LMAN2: variants seen among roughly 807,000 people sequenced by gnomAD.
LMAN2 encodes vesicular integral-membrane protein VIP36.
LMAN2 carries 22 observed loss-of-function variants against 39.3 expected under a neutral mutation model. The observed-to-expected ratio is 0.56, with a 90% CI of 0.40 to 0.80. The LOEUF (loss-of-function observed/expected upper bound fraction) is 0.80, where lower values mean the gene tolerates loss of function less well. Among genes scored for constraint, LMAN2 ranks in the 30% least tolerant of loss-of-function variants. The pLI is 0.00. For synonymous variants in LMAN2, 207 were observed against 207.8 expected, an observed-to-expected ratio of 1.00 and a Z score of 0.03; for missense variants, 494 against 505.4, an observed-to-expected ratio of 0.98 and a Z score of 0.22.
Position 177,338,514 on chromosome 5 carries a change from C to T in LMAN2, c.407G>A (p.Trp136Ter), listed in dbSNP as rs1221952642. ...TGGCACGAGGCGGTCCCGGGTGTAC[C>T]ACAAGGCGATGCCGTCTCCATGGAG... The part of the protein sequence containing the change: ...KNLHGDGIAL[W>*]YTRDRLVPGP... Residue 136 changes from tryptophan (W) to a stop codon, truncating the protein, a stop_gained, in exon 3 of 8, where the codon TGG (tryptophan) becomes TAG (stop). Coordinates refer to ENST00000303127, the MANE Select transcript of LMAN2 (RefSeq NM_006816.3). LOFTEE classifies it high-confidence loss of function. 1.2e-6 allele frequency: 2 copies of T among 1,614,202 alleles called. No homozygotes were observed. Among genetic ancestry groups the T allele is most frequent in the Admixed American group, 3.3e-5 (2 of 60,028 alleles).
chr5:177,337,308 C>T lies in LMAN2; in HGVS notation c.675+55G>A. On this transcript the variant is annotated intron_variant, in intron 5 of 7. Transcript: ENST00000303127. This position sits in a 1 kb window ranked among gnomAD's most constrained non-coding sequence, Gnocchi z 8.2. The stretch of plus-strand genomic sequence containing the variant: ...GACAGCAGCCTGCCCTCCTGAGCCT[C>T]TGTGGGACCAGCACAGGGCCACCAG... 1 of 1,611,806 alleles carries T rather than the reference C, an allele frequency of 6.2e-7. No individual in the cohort carries two copies. The highest frequency in any genetic ancestry group is 8.5e-7 in the Non-Finnish European group (1 of 1,179,732).
At position 177,334,337 on chromosome 5, in the gene LMAN2, C is replaced by A. The variant is rs894196811; in HGVS notation, c.857G>T (p.Ser286Ile). ...GGGCTCGATCTTGGTCCAGTCGATG[C>A]TCTCCTCGTCGGGCGTGTGCTCCAC... ...LMVEHTPDEE[S>I]IDWTKIEPSV... Residue 286 changes from serine to isoleucine, a missense_variant, in exon 7 of 8, where the codon AGC (serine) becomes ATC (isoleucine). Coordinates refer to ENST00000303127, the MANE Select transcript of LMAN2 (RefSeq NM_006816.3). The A allele has an allele frequency of 1.2e-6, 2 of 1,613,528 alleles. No homozygotes were observed. Among genetic ancestry groups the A allele is most frequent in the Admixed American group, 3.3e-5 (2 of 60,022 alleles).
intron 2 of LMAN2, among the ~76,000 whole-genome samples, chr5:177,348,105 G>A (rs1761661959): frequency 6.6e-6 from 1 of 152,050 alleles, no homozygotes; most frequent in South Asian, 2.1e-4. Flanking sequence ...ATGGGGGTGG[G>A]GGGTGACATC....
Position 177,334,277 on chromosome 5 carries a change from C to A in LMAN2, c.910+7G>T. 6.2e-7 allele frequency: 1 copy of A among 1,610,560 alleles called. No individual in the cohort carries two copies. The highest frequency in any genetic ancestry group is 8.5e-7 in the Non-Finnish European group (1 of 1,179,356). On this transcript the variant is annotated splice_region_variant and intron_variant, in intron 7 of 7. Transcript: ENST00000303127. The stretch of plus-strand genomic sequence containing the variant: ...GGCCCAGGCAGGGCGGGGCTGTGCA[C>A]ACGCACCTTTGGGCGACTTGAGGAA...
chr5:177,340,840 T>C (rs952183528), intron 2 of LMAN2, among the ~76,000 whole-genome samples: 7 of 150,506 alleles, frequency 4.7e-5, no homozygotes, highest in Non-Finnish European at 7.4e-5. Flanking sequence ...CTGCGAGCTC[T>C]GCCTCCCGGG....
chr5:177,341,216 G>A (rs755664475), intron 2 of LMAN2, among the ~76,000 whole-genome samples: 7 of 151,906 alleles, frequency 4.6e-5, no homozygotes, highest in Non-Finnish European at 8.8e-5. Flanking sequence ...ACAGGCATGC[G>A]CCACTACGCC....
chr5:177,340,052 T>C (rs746268411), intron 2 of LMAN2, among the ~76,000 whole-genome samples: 9 of 151,956 alleles, frequency 5.9e-5, no homozygotes, highest in Non-Finnish European at 1.2e-4. Context: ...CCGAGTAAGA[T>C]GTGAGAAATG....
chr5:177,350,061 T>C (rs1761698372), intron 2 of LMAN2, among the ~76,000 whole-genome samples: 1 of 152,158 alleles, frequency 6.6e-6, no homozygotes. Context: ...GCTTACCCCT[T>C]CACAGGGGAC....
chr5:177,344,272 G>A (rs1280919959), intron 2 of LMAN2, among the ~76,000 whole-genome samples: 4 of 140,204 alleles, frequency 2.9e-5, no homozygotes, highest in African/African-American at 5.3e-5. Flanking sequence ...AAAATGGTAC[G>A]CTTTGTTACT....
At chr5:177,351,332 G>A in intron 1 of LMAN2, 41 bp from the exon 2 acceptor site, 4 of 1,608,334 alleles carry the variant, frequency 2.5e-6, no homozygotes, top group Non-Finnish European at 3.4e-6. Context: ...CGCCAGGACT[G>A]GCCTCACCAG....
intron 7 of LMAN2, among the ~76,000 whole-genome samples, chr5:177,333,473 A>G (rs1761420828): frequency 6.6e-6 from 1 of 152,262 alleles, no homozygotes; most frequent in Admixed American, 6.5e-5. Flanking sequence ...TGTGGTCCCC[A>G]AAACATTTCA....
chr5:177,332,753 C>A lies in LMAN2; in HGVS notation c.911-507G>T, dbSNP rs1581600129. Among the ~76,000 whole-genome samples the A allele has an allele frequency of 6.6e-6, 1 of 152,158 alleles. No homozygotes were observed. The highest frequency in any genetic ancestry group is 1.9e-4 in the East Asian group (1 of 5,176). On this transcript the variant is annotated intron_variant, in intron 7 of 7. Transcript: ENST00000303127. This position sits in a 1 kb window ranked among gnomAD's most constrained non-coding sequence, Gnocchi z 6.3. ...CCCAGCCCACAGCCTCTCTCCTCCACACAAGGTTCCCACAGGTCCTGCCCA... is the reference window on the plus strand; with the variant it reads ...CCCAGCCCACAGCCTCTCTCCTCCAAACAAGGTTCCCACAGGTCCTGCCCA...
chr5:177,331,876 C>T lies in LMAN2; in HGVS notation c.*210G>A, dbSNP rs11541332. On this transcript the variant is annotated 3_prime_UTR_variant, in exon 8 of 8. Transcript: ENST00000303127. ...GAGACACCAGCCCCAGGAGAGCCTC[C>T]GTCTCCAGCTGTGGGGGGTGCCAGA... The T allele has an allele frequency of 5.6e-6, 3 of 540,288 alleles. No individual in the cohort carries two copies. The highest frequency in any genetic ancestry group is 5.5e-5 in the South Asian group (2 of 36,648). The allele number at this position is 540,288 out of a possible 1,614,324, so 33.5% of individuals were successfully genotyped here. A position where few individuals can be genotyped will look rare whatever the true frequency, so the allele number is the denominator to read the frequency against.
intron 2 of LMAN2, among the ~76,000 whole-genome samples, chr5:177,339,921 G>A (rs1177393896): frequency 6.6e-6 from 1 of 152,074 alleles, no homozygotes; most frequent in African/African-American, 2.4e-5. Flanking sequence ...TGGGCACCAG[G>A]AACCCAGATA....
chr5:177,336,020 C>T (rs989092113), intron 6 of LMAN2, among the ~76,000 whole-genome samples: 3 of 152,160 alleles, frequency 2.0e-5, no homozygotes, highest in African/African-American at 7.2e-5. Flanking sequence ...GCCAAACAGC[C>T]ATTTATAGAG....
chr5:177,342,608 CT>C (rs1448406267), intron 2 of LMAN2, among the ~76,000 whole-genome samples: 1 of 152,206 alleles, frequency 6.6e-6, no homozygotes, highest in Non-Finnish European at 1.5e-5. Context: ...ATCACTTGAG[CT>C]GGAGAGGTCA....
At chr5:177,335,259 T>G (rs930831529) in intron 6 of LMAN2, among the ~76,000 whole-genome samples, 3 of 152,208 alleles carry the variant, frequency 2.0e-5, no homozygotes, top group Non-Finnish European at 4.4e-5. Context: ...GGACCGGCCC[T>G]GGAGTCAGGC....
At chr5:177,347,960 A>T (rs1581606800) in intron 2 of LMAN2, among the ~76,000 whole-genome samples, 2 of 152,218 alleles carry the variant, frequency 1.3e-5, no homozygotes, top group African/African-American at 4.8e-5. Context: ...CTATAATAGA[A>T]ATTTAAAATT....
At chr5:177,346,994 C>G (rs1435963248) in intron 2 of LMAN2, among the ~76,000 whole-genome samples, 1 of 152,122 alleles carries the variant, frequency 6.6e-6, no homozygotes, top group East Asian at 1.9e-4. Flanking sequence ...GTAGAGAATC[C>G]ACATTCATAA....
Sources: gnomAD v4.1 joint callset for allele counts (sites outside exome capture counted in the v4.1 genomes callset) on GRCh38, gnomAD v4.1.1 for gene constraint, Gnocchi (gnomAD v3.1) non-coding constraint, MANE v1.5 for transcripts, NCBI Gene and HGNC (gene_info 2026-07-23, HGNC 2026-07-21) for gene names.